PLGRKT: variants seen among roughly 807,000 people sequenced by gnomAD.
PLGRKT encodes plasminogen receptor with a C-terminal lysine, also known as plasminogen receptor (KT).
In PLGRKT, 22 loss-of-function variants were observed where a neutral mutation model predicts 18.5. The observed-to-expected ratio is 1.19, with a 90% confidence interval of 0.85 to 1.70. PLGRKT has a LOEUF of 1.70. Ranked by LOEUF, PLGRKT falls within the 40% of genes most tolerant of loss-of-function variation. PLGRKT has a pLI of 0.00. For missense variants in PLGRKT, 235 were observed against 174.4 expected (o/e 1.35, Z -1.96); for synonymous variants, 72 against 52.8 (o/e 1.36, Z -1.58).
chr9:5,407,603 T>A (rs139981048), intron 3 of PLGRKT, among the ~76,000 whole-genome samples: 125 of 152,170 alleles, frequency 8.2e-4, no homozygotes, highest in African/African-American at 2.5e-3. Context: ...CATAAACATG[T>A]CTGATTACAC....
At chr9:5,408,484 T>G (rs188504267) in intron 3 of PLGRKT, among the ~76,000 whole-genome samples, 1 of 152,200 alleles carries the variant, frequency 6.6e-6, no homozygotes, top group Admixed American at 6.5e-5. Flanking sequence ...ACATTTGAGA[T>G]GTAGACTGGC....
chr9:5,361,257 G>T (rs903443001), intron 4 of PLGRKT, 70 bp from the exon 5 acceptor site: 2 of 788,558 alleles, frequency 2.5e-6, no homozygotes, highest in Admixed American at 2.6e-5. Flanking sequence ...TATACTTAAA[G>T]AAAAAAAAAT....
chr9:5,401,785 T>C (rs1295070329), intron 3 of PLGRKT, among the ~76,000 whole-genome samples: 1 of 151,970 alleles, frequency 6.6e-6, no homozygotes, highest in Non-Finnish European at 1.5e-5. Context: ...GTAATATCTA[T>C]ATCTGAAAGG....
chr9:5,407,614 C>T (rs1409934017), intron 3 of PLGRKT, among the ~76,000 whole-genome samples: 5 of 151,624 alleles, frequency 3.3e-5, no homozygotes, highest in Non-Finnish European at 2.9e-5. Context: ...CTGATTACAC[C>T]TCTAGACAGC....
chr9:5,426,973 G>A (rs1353253598), intron 3 of PLGRKT, among the ~76,000 whole-genome samples: 2 of 152,140 alleles, frequency 1.3e-5, no homozygotes, highest in Non-Finnish European at 2.9e-5. Context: ...TCTTCTGCCA[G>A]CATCCATGAA....
intron 3 of PLGRKT, among the ~76,000 whole-genome samples, chr9:5,404,198 A>C (rs960776457): frequency 2.6e-5 from 4 of 152,144 alleles, no homozygotes; most frequent in African/African-American, 7.2e-5. Context: ...CCAGAAGTAC[A>C]AAGAAGAGCT....
At chr9:5,359,223 A>AT (rs1211137867) in intron 5 of PLGRKT, among the ~76,000 whole-genome samples, 2 of 151,814 alleles carry the variant, frequency 1.3e-5, no homozygotes, top group Non-Finnish European at 2.9e-5. Context: ...ACACCGGCTA[A>AT]TTTTTTGTAT....
chr9:5,389,388 TG>T (rs1223560428), intron 3 of PLGRKT, among the ~76,000 whole-genome samples: 1 of 151,934 alleles, frequency 6.6e-6, no homozygotes. Flanking sequence ...CTGATGGTGC[TG>T]ATCTATGAAA....
intron 3 of PLGRKT, among the ~76,000 whole-genome samples, chr9:5,380,780 A>G (rs1817727204): frequency 6.6e-6 from 1 of 152,224 alleles, no homozygotes; most frequent in African/African-American, 2.4e-5. Flanking sequence ...GATACAAAAT[A>G]AATATTTTGG....
At chr9:5,363,383 T>G (rs936682349) in intron 3 of PLGRKT, among the ~76,000 whole-genome samples, 1 of 151,754 alleles carries the variant, frequency 6.6e-6, no homozygotes, top group Non-Finnish European at 1.5e-5. Context: ...TGGCTTATAT[T>G]CACTCCCAAG....
chr9:5,414,862 T>C (rs543700104), intron 3 of PLGRKT, among the ~76,000 whole-genome samples: 61 of 152,308 alleles, frequency 4.0e-4, no homozygotes, highest in Non-Finnish European at 7.5e-4. Flanking sequence ...TAGAATGAAA[T>C]GTGTCACACT....
At chr9:5,431,470 G>A (rs1326751402) in intron 3 of PLGRKT, among the ~76,000 whole-genome samples, 3 of 149,750 alleles carry the variant, frequency 2.0e-5, no homozygotes, top group Admixed American at 6.7e-5. Context: ...GGAGGCAGAG[G>A]TTGCAGTGAG....
intron 3 of PLGRKT, among the ~76,000 whole-genome samples, chr9:5,389,796 C>A (rs1817913660): frequency 6.6e-6 from 1 of 151,818 alleles, no homozygotes; most frequent in Non-Finnish European, 1.5e-5. Flanking sequence ...TGACCGAAGG[C>A]CATTATAAGG....
intron 2 of PLGRKT, among the ~76,000 whole-genome samples, chr9:5,434,265 C>T (rs10815224): frequency 0.54 from 71,484 of 131,724 alleles, 21,207 homozygotes; most frequent in Non-Finnish European, 0.67. Context: ...GGCCGCCCTT[C>T]GTCTGGGAGG....
chr9:5,368,698 T>C (rs1042602778), intron 3 of PLGRKT, among the ~76,000 whole-genome samples: 1 of 152,052 alleles, frequency 6.6e-6, no homozygotes, highest in Admixed American at 6.6e-5. Context: ...ATAATAAACC[T>C]GCACCCCCTG....
chr9:5,435,321 T>TAAAAAAAA (rs61099125), intron 2 of PLGRKT, among the ~76,000 whole-genome samples: 1 of 127,768 alleles, frequency 7.8e-6, no homozygotes. Context: ...CAATAAATAC[T>TAAAAAAAA]AAAAAAAAAA....
chr9:5,358,232 C>T lies in PLGRKT; in HGVS notation c.*7G>A, dbSNP rs1817180609. On this transcript the variant is annotated 3_prime_UTR_variant, in exon 6 of 6. Coordinates refer to ENST00000223864, the MANE Select transcript of PLGRKT (RefSeq NM_018465.4). The stretch of plus-strand genomic sequence containing the variant: ...TGTGCTTTGAGATTTGATTGGTAAG[C>T]ATGATTTCATTTGTCTATGAAGAAT... 6.2e-7 allele frequency: 1 copy of T among 1,605,120 alleles called. No homozygotes were observed. Among genetic ancestry groups the T allele is most frequent in the South Asian group, 1.1e-5 (1 of 90,344 alleles).
At chr9:5,398,397 G>A (rs1278124198) in intron 3 of PLGRKT, among the ~76,000 whole-genome samples, 1 of 151,946 alleles carries the variant, frequency 6.6e-6, no homozygotes, top group Non-Finnish European at 1.5e-5. Context: ...CCGATCCAAG[G>A]AGAGAAGTTA....
chr9:5,408,760 C>T (rs1046823926), intron 3 of PLGRKT, among the ~76,000 whole-genome samples: 1 of 152,246 alleles, frequency 6.6e-6, no homozygotes. Context: ...ATCACAGGCC[C>T]AGAGGCCTAA....
Sources: allele counts gnomAD v4.1 joint callset (sites outside exome capture counted in the v4.1 genomes callset), GRCh38; gene constraint gnomAD v4.1.1; transcripts MANE v1.5; gene names NCBI Gene and HGNC (gene_info 2026-07-23, HGNC 2026-07-21).